RDH10: variants seen among roughly 807,000 people sequenced by gnomAD.
The protein encoded by RDH10 is retinol dehydrogenase 10, also known as retinol dehydrogenase 10 (all-trans).
A neutral mutation model predicts 30.2 loss-of-function variants in RDH10; 12 were observed. That is an observed-to-expected ratio of 0.40 (90% CI 0.25 to 0.64). The LOEUF (loss-of-function observed/expected upper bound fraction) is 0.64. Among genes scored for constraint, RDH10 ranks in the 30% least tolerant of loss-of-function variants. The pLI is 0.43. For missense variants in RDH10, 268 were observed against 445.2 expected (o/e 0.60, Z 3.58); for synonymous variants, 189 against 172.2 (o/e 1.10, Z -0.76).
chr8:73,319,031 C>A, intron 2 of RDH10, 65 bp from the exon 3 acceptor site: 2 of 1,054,496 alleles, frequency 1.9e-6, no homozygotes, highest in South Asian at 1.4e-5. Context: ...TTTTGTGATC[C>A]TGGACTGGGT....
intron 2 of RDH10, among the ~76,000 whole-genome samples, chr8:73,313,594 A>G (rs1033088622): frequency 9.2e-5 from 14 of 152,200 alleles, no homozygotes; most frequent in African/African-American, 3.4e-4. Flanking sequence ...CAGTTATTAA[A>G]AGTTTTCTCT....
intron 4 of RDH10, chr8:73,321,759 A>C (rs902329137): frequency 2.2e-6 from 1 of 452,940 alleles, no homozygotes; most frequent in African/African-American, 2.0e-5. Flanking sequence ...TGCTTGGGTG[A>C]GTTTGAAAGG....
At chr8:73,320,859 C>A (rs1335558453) in intron 3 of RDH10, 73 bp from the exon 4 acceptor site, 2 of 1,452,024 alleles carry the variant, frequency 1.4e-6, no homozygotes, top group Non-Finnish European at 9.6e-7. Context: ...GTAATAGGAC[C>A]AGGGAAGCTT....
intron 3 of RDH10, among the ~76,000 whole-genome samples, chr8:73,319,694 G>A (rs760523240): frequency 5.9e-5 from 9 of 152,316 alleles, no homozygotes; most frequent in Non-Finnish European, 1.0e-4. Flanking sequence ...GGCCAAGAAT[G>A]GAACCATGGA....
At chr8:73,321,826 C>G (rs746305545) in intron 4 of RDH10, 23 of 456,116 alleles carry the variant, frequency 5.0e-5, no homozygotes, top group Non-Finnish European at 9.7e-5. Context: ...TTAACGTGTA[C>G]TGAACTGAAC....
At chr8:73,311,089 T>A (rs1814555674) in intron 2 of RDH10, 1 of 152,156 alleles carries the variant, frequency 6.6e-6, no homozygotes, top group Non-Finnish European at 1.5e-5. Flanking sequence ...AAATAATACC[T>A]CAGCGTGACC....
At chr8:73,307,746 A>G (rs1814488096) in intron 2 of RDH10, among the ~76,000 whole-genome samples, 1 of 152,216 alleles carries the variant, frequency 6.6e-6, no homozygotes, top group Non-Finnish European at 1.5e-5. Context: ...CTGGTACAGT[A>G]GGTAGATTTT....
chr8:73,297,003 C>G (rs775158446), intron 1 of RDH10, 191 bp from the exon 2 acceptor site: 17 of 569,742 alleles, frequency 3.0e-5, no homozygotes, highest in Non-Finnish European at 5.0e-5. Context: ...TGCTGTAATT[C>G]CCAAAGACTT....
At chr8:73,307,956 A>G (rs1469944506) in intron 2 of RDH10, among the ~76,000 whole-genome samples, 1 of 152,242 alleles carries the variant, frequency 6.6e-6, no homozygotes, top group African/African-American at 2.4e-5. Context: ...TTTTATTACG[A>G]AAGCCCAACT....
At chr8:73,314,375 C>T (rs936217253) in intron 2 of RDH10, among the ~76,000 whole-genome samples, 1 of 152,142 alleles carries the variant, frequency 6.6e-6, no homozygotes, top group Non-Finnish European at 1.5e-5. Flanking sequence ...TAGCATTTTT[C>T]TTGCAAAGTA....
At chr8:73,322,259 G>T in intron 4 of RDH10, 2 of 320,112 alleles carry the variant, frequency 6.2e-6, no homozygotes, top group Non-Finnish European at 6.1e-6. Context: ...GGATACCTGT[G>T]GCCTTCCTTT....
chr8:73,305,387 T>G (rs1470908977), intron 2 of RDH10, among the ~76,000 whole-genome samples: 1 of 152,230 alleles, frequency 6.6e-6, no homozygotes, highest in Non-Finnish European at 1.5e-5. Flanking sequence ...AGGAAACCCC[T>G]TTACATTTAA....
At chr8:73,318,523 CT>C (rs1814713866) in intron 2 of RDH10, among the ~76,000 whole-genome samples, 1 of 152,226 alleles carries the variant, frequency 6.6e-6, no homozygotes. Flanking sequence ...AAAAATAGTT[CT>C]ATAATTTAGC....
chr8:73,301,858 T>C (rs1357087515), intron 2 of RDH10, among the ~76,000 whole-genome samples: 1 of 152,244 alleles, frequency 6.6e-6, no homozygotes, highest in African/African-American at 2.4e-5. Flanking sequence ...TTTCTTTTGC[T>C]TTCCTACATA....
Position 73,324,522 on chromosome 8 carries a change from G to A in RDH10, c.*1486G>A, listed in dbSNP as rs1814834466. ...AATAAGCCAACTTTTACTAATTGGG[G>A]AGTTTTATAAATGACTGATTAAATT... On this transcript the variant is annotated 3_prime_UTR_variant, in exon 6 of 6. Coordinates refer to ENST00000240285, the MANE Select transcript of RDH10 (RefSeq NM_172037.5). 1 of 152,508 alleles carries A rather than the reference G, an allele frequency of 6.6e-6. No individual in the cohort carries two copies. Among genetic ancestry groups the A allele is most frequent in the African/African-American group, 2.4e-5 (1 of 41,402 alleles). The allele number at this position is 152,508 out of a possible 1,614,324, so 9.4% of individuals were successfully genotyped here.
In RDH10 at chr8:73,324,269, T is replaced by A. The variant is rs1404514089; in HGVS notation, c.*1233T>A. ...GTAAAGATTCTTTTGAAAGGTTTATTCACATTGTAGAACAGCAAATGACAT... is the reference window on the plus strand; with the variant it reads ...GTAAAGATTCTTTTGAAAGGTTTATACACATTGTAGAACAGCAAATGACAT... On this transcript the variant is annotated 3_prime_UTR_variant, in exon 6 of 6. Transcript: ENST00000240285. 7 of 152,686 alleles carry A rather than the reference T, an allele frequency of 4.6e-5. No individual in the cohort carries two copies. Among genetic ancestry groups the A allele is most frequent in the African/African-American group, 1.2e-4 (5 of 41,458 alleles). 9.5% of individuals were successfully genotyped at this position (152,686 alleles called of 1,614,324 possible). A position where few individuals can be genotyped will look rare whatever the true frequency, so the allele number is the denominator to read the frequency against.
chr8:73,313,961 T>C (rs541988812), intron 2 of RDH10, among the ~76,000 whole-genome samples: 10 of 152,348 alleles, frequency 6.6e-5, no homozygotes, highest in Admixed American at 3.9e-4. Flanking sequence ...CAGCAAATTA[T>C]CTGTGCTGCC....
intron 2 of RDH10, among the ~76,000 whole-genome samples, chr8:73,317,536 G>A (rs1391692488): frequency 6.6e-6 from 1 of 152,170 alleles, no homozygotes; most frequent in Non-Finnish European, 1.5e-5. Context: ...AAAAATTCAT[G>A]TGGCACCTGT....
chr8:73,297,060 A>G (rs1814280557), intron 1 of RDH10, 134 bp from the exon 2 acceptor site: 1 of 651,872 alleles, frequency 1.5e-6, no homozygotes, highest in Non-Finnish European at 2.8e-6. Context: ...CAAGCCTTGC[A>G]GCGTTAGAAA....
Sources: allele counts gnomAD v4.1 joint callset (sites outside exome capture counted in the v4.1 genomes callset), GRCh38; gene constraint gnomAD v4.1.1; transcripts MANE v1.5; gene names NCBI Gene and HGNC (gene_info 2026-07-23, HGNC 2026-07-21).